The following SPATA6 variants were observed in gnomAD, a reference collection of about 807,000 sequenced individuals.
The protein encoded by SPATA6 is spermatogenesis associated 6, also known as spermatogenesis-associated protein 6.
In SPATA6, 56 loss-of-function variants were observed where a neutral mutation model predicts 65.3. The observed-to-expected ratio is 0.86, with a 90% CI of 0.69 to 1.07. The LOEUF is 1.07. Among genes scored for constraint, SPATA6 ranks in the 50% least tolerant of loss-of-function variants. The pLI, the probability that SPATA6 is intolerant of heterozygous loss-of-function variation, is 0.00. For missense variants in SPATA6, 590 were observed against 594.8 expected (o/e 0.99, Z 0.08); for synonymous variants, 199 against 213.2 (o/e 0.93, Z 0.58).
At chr1:48,414,591 C>A (rs576983199) in intron 3 of SPATA6, among the ~76,000 whole-genome samples, 2 of 152,246 alleles carry the variant, frequency 1.3e-5, no homozygotes, top group South Asian at 4.2e-4. Context: ...CTCCAGCCAT[C>A]CTGTCCAAAC....
chr1:48,395,111 T>G (rs1400453253), intron 8 of SPATA6, among the ~76,000 whole-genome samples, 156 bp downstream of exon 8: 1 of 152,022 alleles, frequency 6.6e-6, no homozygotes, highest in East Asian at 1.9e-4. Flanking sequence ...ATAGTTACTT[T>G]TTACTCTTTA....
chr1:48,380,248 A>T (rs371005364), intron 9 of SPATA6, among the ~76,000 whole-genome samples: 98 of 152,360 alleles, frequency 6.4e-4, no homozygotes, highest in African/African-American at 2.3e-3. Flanking sequence ...TTGAATATTT[A>T]TTAACTAACT....
intron 11 of SPATA6, among the ~76,000 whole-genome samples, chr1:48,344,504 T>C (rs768243499): frequency 1.3e-4 from 20 of 152,112 alleles, no homozygotes; most frequent in Non-Finnish European, 2.1e-4. Flanking sequence ...AACACCATGA[T>C]GTCAGGATCA....
intron 11 of SPATA6, chr1:48,325,199 T>G: frequency 1.4e-6 from 1 of 698,676 alleles, no homozygotes. Flanking sequence ...AGGGTTCGTG[T>G]TCACTGCTGC....
At chr1:48,302,479 T>C (rs1415428114) in intron 12 of SPATA6, among the ~76,000 whole-genome samples, 2 of 152,236 alleles carry the variant, frequency 1.3e-5, no homozygotes, top group Non-Finnish European at 2.9e-5. Flanking sequence ...CATGTGGTAC[T>C]TGTCTTGGCT....
intron 5 of SPATA6, among the ~76,000 whole-genome samples, chr1:48,410,757 G>A (rs1286470052): frequency 3.3e-5 from 5 of 152,102 alleles, no homozygotes; most frequent in Non-Finnish European, 7.3e-5. Flanking sequence ...CAGATTTCGT[G>A]AGAACTCACT....
chr1:48,305,528 T>C (rs1164972442), intron 12 of SPATA6, among the ~76,000 whole-genome samples: 1 of 152,080 alleles, frequency 6.6e-6, no homozygotes, highest in South Asian at 2.1e-4. Context: ...TATATTAAAA[T>C]AAATACACAT....
At chr1:48,420,812 T>G (rs1653253497) in intron 3 of SPATA6, among the ~76,000 whole-genome samples, 1 of 151,926 alleles carries the variant, frequency 6.6e-6, no homozygotes, top group African/African-American at 2.4e-5. Flanking sequence ...TAAGGTAAAA[T>G]AAGATGTAGA....
chr1:48,400,739 A>G (rs1184177986), intron 6 of SPATA6: 7 of 1,249,122 alleles, frequency 5.6e-6, no homozygotes, highest in East Asian at 1.2e-4. Context: ...AGTGAGTTTC[A>G]GCTAGGGCAA....
chr1:48,427,681 G>A (rs564893430), intron 3 of SPATA6, among the ~76,000 whole-genome samples: 2 of 152,238 alleles, frequency 1.3e-5, no homozygotes, highest in South Asian at 2.1e-4. Context: ...ATGGGGGCTA[G>A]GGCCATCAAA....
At chr1:48,393,616 C>G (rs1047151461) in intron 8 of SPATA6, among the ~76,000 whole-genome samples, 1 of 152,054 alleles carries the variant, frequency 6.6e-6, no homozygotes, top group African/African-American at 2.4e-5. Flanking sequence ...TGGCGTTAAT[C>G]ACATAAAATA....
intron 7 of SPATA6, among the ~76,000 whole-genome samples, chr1:48,397,707 CTA>C (rs559759838): frequency 1.6e-4 from 25 of 151,632 alleles, no homozygotes; most frequent in Admixed American, 5.9e-4. Context: ...AAAAAAATCT[CTA>C]TGTTTACAAA....
chr1:48,322,510 C>A (rs1383848427), intron 11 of SPATA6, among the ~76,000 whole-genome samples: 2 of 152,120 alleles, frequency 1.3e-5, no homozygotes, highest in African/African-American at 4.8e-5. Context: ...TAGGCATGGG[C>A]AAAGTCTTCA....
the SPATA6 span, among the ~76,000 whole-genome samples, chr1:48,279,005 G>C: frequency 6.6e-6 from 1 of 152,204 alleles, no homozygotes; most frequent in Non-Finnish European, 1.5e-5. Flanking sequence ...CTACAAGCCA[G>C]AAGAGAGTGG....
intron 11 of SPATA6, among the ~76,000 whole-genome samples, chr1:48,314,464 G>A (rs985751896): frequency 3.3e-5 from 5 of 152,102 alleles, no homozygotes; most frequent in African/African-American, 1.2e-4. Flanking sequence ...TGAAATGAAG[G>A]CAGAAATAAA....
chr1:48,428,809 G>GTATA lies in SPATA6; in HGVS notation c.239-15662_239-15659dup, dbSNP rs1553169231. On this transcript the variant is annotated intron_variant, in intron 3 of 12. Transcript: ENST00000371847. Reference sequence around the variant, plus strand: ...TGTGTGTGTGTGTGTGTGTGTGTGTGTATATGTATATATATGTGTGTATAT... The same window carrying GTATA: ...TGTGTGTGTGTGTGTGTGTGTGTGTGTATATATATGTATATATATGTGTGTATAT... Among the ~76,000 whole-genome samples, 387 of 137,662 alleles carry GTATA rather than the reference G, an allele frequency of 2.8e-3. 3 individuals are homozygous for GTATA. Among genetic ancestry groups the GTATA allele is most frequent in the African/African-American group, 9.0e-3 (327 of 36,286 alleles). The allele number at this position is 137,662 out of a possible 152,430, so 90.3% of individuals were successfully genotyped here. A position where few individuals can be genotyped will look rare whatever the true frequency, so the allele number is the denominator to read the frequency against.
intron 7 of SPATA6, 118 bp from the exon 8 acceptor site, chr1:48,395,472 G>A: frequency 3.8e-6 from 2 of 525,484 alleles, no homozygotes; most frequent in Non-Finnish European, 3.0e-6. Context: ...GAAACATGAT[G>A]GTGCCCATGA....
At chr1:48,458,003 T>C (rs1472289230) in intron 1 of SPATA6, among the ~76,000 whole-genome samples, 1 of 149,714 alleles carries the variant, frequency 6.7e-6, no homozygotes, top group Non-Finnish European at 1.5e-5. Context: ...TAGAACAAAA[T>C]AGAAGAAAGG....
At chr1:48,359,926 T>C (rs983538879) in intron 9 of SPATA6, among the ~76,000 whole-genome samples, 156 bp from the exon 10 acceptor site, 17 of 152,122 alleles carry the variant, frequency 1.1e-4, no homozygotes, top group Non-Finnish European at 2.2e-4. Context: ...GCTATAAAGA[T>C]AAAATTCAGA....
Sources: gnomAD v4.1 joint callset for allele counts (sites outside exome capture counted in the v4.1 genomes callset) on GRCh38, gnomAD v4.1.1 for gene constraint, MANE v1.5 for transcripts, NCBI Gene and HGNC (gene_info 2026-07-23, HGNC 2026-07-21) for gene names.